PTDSS2: variants seen among roughly 807,000 people sequenced by gnomAD.
The protein encoded by PTDSS2 is phosphatidylserine synthase 2, also known as PSS-2.
In PTDSS2, 41 loss-of-function variants were observed where a neutral mutation model predicts 64.7. The ratio of observed to expected loss-of-function variants is 0.63; its 90% CI spans 0.49 to 0.82. PTDSS2 has a LOEUF of 0.82. PTDSS2 is among the 40% of genes least tolerant of loss of function. PTDSS2 has a pLI of 0.00. For missense variants in PTDSS2, 485 were observed against 650.0 expected (o/e 0.75, Z 2.76); for synonymous variants, 297 against 277.8 (o/e 1.07, Z -0.69).
chr11:457,790 G>A (rs1430881639), intron 1 of PTDSS2, among the ~76,000 whole-genome samples: 2 of 152,194 alleles, frequency 1.3e-5, no homozygotes, highest in Admixed American at 6.5e-5. Flanking sequence ...TCTGTCTCAG[G>A]CCCACGTTTG....
intron 2 of PTDSS2, among the ~76,000 whole-genome samples, chr11:472,760 C>T (rs142650903): frequency 1.3e-5 from 2 of 152,292 alleles, no homozygotes; most frequent in East Asian, 3.9e-4. Context: ...TTTTTAACAG[C>T]GCTGTCTTAA....
chr11:487,236 G>A, intron 5 of PTDSS2, 163 bp downstream of exon 5: 1 of 973,538 alleles, frequency 1.0e-6, no homozygotes, highest in East Asian at 2.5e-5. Context: ...CTCATGGTGG[G>A]CAGGGGGCCC....
At chr11:454,771 A>C (rs1846511245) in intron 1 of PTDSS2, among the ~76,000 whole-genome samples, 1 of 152,238 alleles carries the variant, frequency 6.6e-6, no homozygotes, top group Non-Finnish European at 1.5e-5. Flanking sequence ...CCTGGGTGAC[A>C]GAGCAAGACT....
At chr11:466,378 C>A (rs911250286) in intron 2 of PTDSS2, among the ~76,000 whole-genome samples, 2 of 149,324 alleles carry the variant, frequency 1.3e-5, no homozygotes, top group African/African-American at 4.9e-5. Flanking sequence ...AGACTGAGAA[C>A]GGGCACAGGA....
rs1205105837 is a variant in PTDSS2 at position 475,215 on chromosome 11, TTG to T, written c.367+1242_367+1243del. Among the ~76,000 whole-genome samples the T allele has an allele frequency of 2.8e-5, 3 of 107,600 alleles. No individual in the cohort carries two copies. In the East Asian group the frequency reaches 7.0e-4, roughly 25 times the overall value. 70.6% of individuals were successfully genotyped at this position (107,600 alleles called of 152,430 possible). On this transcript the variant is annotated intron_variant, in intron 3 of 11. Coordinates refer to ENST00000308020, the MANE Select transcript of PTDSS2 (RefSeq NM_030783.3). ...TTATGATATGGACATAATCACGTCTTTGTGTATATGGACATGTTCACGTGTTT... is the reference window on the plus strand; with the variant it reads ...TTATGATATGGACATAATCACGTCTTTGTATATGGACATGTTCACGTGTTT...
intron 4 of PTDSS2, among the ~76,000 whole-genome samples, chr11:480,787 G>A (rs1183029213): frequency 1.3e-5 from 2 of 152,116 alleles, no homozygotes; most frequent in Non-Finnish European, 2.9e-5. Context: ...GACCTCAAAT[G>A]ATCCGCCTGC....
At position 470,117 on chromosome 11, in the gene PTDSS2, T is replaced by C. The variant is rs1295552773; in HGVS notation, c.285-3778T>C. On this transcript the variant is annotated intron_variant, in intron 2 of 11. Transcript: ENST00000308020. The surrounding 1 kb of genome is among the most constrained non-coding windows in gnomAD (Gnocchi z 5.3). ...GTGAGCTCCCGGCACCGCTGTGCGC[T>C]GCGCGTGGTGACCTGACCTCCTTCC... Among the ~76,000 whole-genome samples, 1 of 152,202 alleles carries C rather than the reference T, an allele frequency of 6.6e-6. No individual in the cohort carries two copies. Among genetic ancestry groups the C allele is most frequent in the Non-Finnish European group, 1.5e-5 (1 of 68,036 alleles).
chr11:487,034 C>CG lies in PTDSS2; in HGVS notation c.532dup (p.Asp178GlyfsTer5), dbSNP rs752482751. 5 of 1,613,636 alleles carry CG rather than the reference C, an allele frequency of 3.1e-6. No homozygotes were observed. The South Asian group carries it at 5.5e-5, about 18-fold the overall frequency. On this transcript the variant is annotated frameshift_variant, in exon 5 of 12. Transcript: ENST00000308020. LOFTEE classifies it high-confidence loss of function. ...ACTACGGGGGAAACTGCCTCATCTA[C>CG]GACCCAGACAATGAGACTGACCCCT...
In PTDSS2 at chr11:464,995, C is replaced by T. The variant is rs1249791837; in HGVS notation, c.284+4707C>T. Among the ~76,000 whole-genome samples the T allele has an allele frequency of 3.3e-5, 5 of 152,236 alleles. No individual in the cohort carries two copies. In the East Asian group the frequency reaches 7.7e-4, roughly 23 times the overall value. On this transcript the variant is annotated intron_variant, in intron 2 of 11. Transcript: ENST00000308020. ...CCGAAATACCGAGCCCAGAAACAGG[C>T]GCGCACGACTGCAGGCAGCCGATCC...
intron 3 of PTDSS2, among the ~76,000 whole-genome samples, chr11:478,356 G>A (rs1458760706): frequency 2.0e-5 from 3 of 152,006 alleles, no homozygotes; most frequent in Non-Finnish European, 4.4e-5. Context: ...CTACTCAGGA[G>A]GCTCAGGTAG....
chr11:488,045 C>T (rs1220419634), intron 6 of PTDSS2, among the ~76,000 whole-genome samples, 154 bp from the exon 7 acceptor site: 1 of 137,094 alleles, frequency 7.3e-6, no homozygotes, highest in Non-Finnish European at 1.6e-5. Flanking sequence ...CTCTGGCTGC[C>T]AGCCGGGTGG....
intron 4 of PTDSS2, among the ~76,000 whole-genome samples, chr11:482,269 C>T (rs1237278288): frequency 2.0e-5 from 3 of 147,606 alleles, no homozygotes. Context: ...GTCGCCCAGG[C>T]TGGAGTGCAG....
upstream of PTDSS2, among the ~76,000 whole-genome samples, chr11:449,364 G>A (rs979195308): frequency 1.6e-4 from 24 of 152,178 alleles, no homozygotes; most frequent in African/African-American, 5.5e-4. Flanking sequence ...CGCCGCGCCC[G>A]GCCTGCCTAG....
At chr11:473,091 G>A (rs1214255162) in intron 2 of PTDSS2, among the ~76,000 whole-genome samples, 2 of 152,244 alleles carry the variant, frequency 1.3e-5, no homozygotes, top group Admixed American at 6.5e-5. Flanking sequence ...CCTGTGACCA[G>A]GGCTGTCTGC....
chr11:489,331 G>A, intron 8 of PTDSS2, 69 bp from the exon 9 acceptor site: 1 of 1,348,002 alleles, frequency 7.4e-7, no homozygotes, highest in East Asian at 2.3e-5. Context: ...GGAACAGTCT[G>A]TTGCCCGATG....
chr11:481,055 G>T (rs934755351), intron 4 of PTDSS2, among the ~76,000 whole-genome samples: 4 of 150,824 alleles, frequency 2.7e-5, no homozygotes, highest in African/African-American at 9.8e-5. Flanking sequence ...CTGCACTCCA[G>T]CCTGGGCAAC....
chr11:473,999 C>T (rs1235686403), intron 3 of PTDSS2, 22 bp downstream of exon 3: 5 of 1,584,478 alleles, frequency 3.2e-6, no homozygotes, highest in South Asian at 1.1e-5. Context: ...TTTCCTTTTC[C>T]GTGTGCCCCT....
intron 7 of PTDSS2, 99 bp downstream of exon 7, chr11:488,411 C>A: frequency 1.5e-6 from 2 of 1,328,470 alleles, no homozygotes; most frequent in East Asian, 4.6e-5. Context: ...TCATTCTCCC[C>A]GGGGGGCAGT....
chr11:459,900 C>T (rs899597177), intron 1 of PTDSS2: 6 of 434,440 alleles, frequency 1.4e-5, no homozygotes, highest in East Asian at 1.2e-4. Flanking sequence ...CTGCCCTGGA[C>T]GCCAGTGGCA....
Sources: allele counts gnomAD v4.1 joint callset (sites outside exome capture counted in the v4.1 genomes callset), GRCh38; gene constraint gnomAD v4.1.1; non-coding constraint Gnocchi (gnomAD v3.1); transcripts MANE v1.5; gene names NCBI Gene and HGNC (gene_info 2026-07-23, HGNC 2026-07-21).